The following NOTCH4 variants were observed in gnomAD, a reference collection of about 807,000 sequenced individuals.
NOTCH4 encodes the protein neurogenic locus notch homolog protein 4.
Under a neutral mutation model 189.0 loss-of-function variants are expected in NOTCH4, and 138 were observed. The ratio of observed to expected loss-of-function variants is 0.73; its 90% CI spans 0.64 to 0.84. The LOEUF (loss-of-function observed/expected upper bound fraction) is 0.84, where lower values mean the gene tolerates loss of function less well. NOTCH4 is among the 40% of genes least tolerant of loss of function. The probability of loss-of-function intolerance (pLI) is 0.00; values close to 1 mark genes in which losing one functional copy is unlikely to be tolerated. For synonymous variants in NOTCH4, 942 were observed against 1,032.8 expected (o/e 0.91, Z 1.69); for missense variants, 2,286 against 2,605.4 (o/e 0.88, Z 2.67).
Position 32,195,810 on chromosome 6 carries a change from C to A in NOTCH4, c.5639G>T (p.Arg1880Leu). 1 of 1,602,064 alleles carries A rather than the reference C, an allele frequency of 6.2e-7. No homozygotes were observed. ...PRGGGACLQA[R>L]TWSVDLAARG... ...CGCAGCCAAGTCTACGGACCAAGTC[C>A]GAGCCTGCAGACAAGCTCCGCCCCC... The change falls in exon 30 of 30, where the codon CGG becomes CTG. Residue 1880 changes from arginine to leucine, a missense_variant. Transcript: ENST00000375023. This position sits in a 1 kb window ranked among gnomAD's most constrained non-coding sequence, Gnocchi z 5.4.
At chr6:32,196,805 G>A (rs1292846645) in intron 28 of NOTCH4, 120 bp downstream of exon 28, 5 of 1,325,044 alleles carry the variant, frequency 3.8e-6, no homozygotes, top group Non-Finnish European at 5.3e-6. Context: ...ATCTCAGATT[G>A]ACCGCCGTAA....
intron 1 of NOTCH4, 147 bp from the exon 2 acceptor site, chr6:32,223,233 A>G: frequency 4.4e-6 from 3 of 684,988 alleles, no homozygotes; most frequent in African/African-American, 1.8e-5. Context: ...CACTCTCCAC[A>G]TGGTACCCAG....
Position 32,195,853 on chromosome 6 carries a change from C to T in NOTCH4, c.5596G>A (p.Ala1866Thr), listed in dbSNP as rs1787856903. Residue 1866 changes from alanine to threonine, a missense_variant, in exon 30 of 30, where the codon GCC becomes ACC. Ala to Thr is a moderately conservative substitution (Grantham distance 58, BLOSUM62 0). Around this residue, in one of 2 missense-constraint regions of NOTCH4, gnomAD observed 383 missense variants for 343.5 expected, o/e 1.11. Transcript: ENST00000375023. The surrounding 1 kb of genome is among the most constrained non-coding windows in gnomAD (Gnocchi z 5.4). The part of the protein sequence containing the change: ...GALPRCRTLS[A>T]GAGPRGGGAC... ...CCGCCCCCACGAGGGCCTGCTCCGGCTGACAGCGTCCGGCAGCGCGGCAGA... is the reference window on the plus strand; with the variant it reads ...CCGCCCCCACGAGGGCCTGCTCCGGTTGACAGCGTCCGGCAGCGCGGCAGA... 6.3e-7 allele frequency: 1 copy of T among 1,596,580 alleles called. No individual in the cohort carries two copies. Among genetic ancestry groups the T allele is most frequent in the Non-Finnish European group, 8.5e-7 (1 of 1,178,178 alleles).
chr6:32,223,270 G>A (rs1789910718), intron 1 of NOTCH4, among the ~76,000 whole-genome samples, 184 bp from the exon 2 acceptor site: 1 of 151,972 alleles, frequency 6.6e-6, no homozygotes, highest in Non-Finnish European at 1.5e-5. Flanking sequence ...CTCCGTCCCA[G>A]TTACTAATCC....
intron 8 of NOTCH4, among the ~76,000 whole-genome samples, chr6:32,218,416 T>C (rs431541): frequency 0.21 from 31,549 of 152,164 alleles, 3,630 homozygotes; most frequent in East Asian, 0.38. Flanking sequence ...CTGATCAGCC[T>C]GGAGGACCTC....
In NOTCH4 at chr6:32,195,665, C is replaced by G; in HGVS notation, c.5784G>C (p.Ala1928=). 1 of 1,612,902 alleles carries G rather than the reference C, an allele frequency of 6.2e-7. No individual in the cohort carries two copies. Among genetic ancestry groups the G allele is most frequent in the Non-Finnish European group, 8.5e-7 (1 of 1,179,924 alleles). ...AGMRGPRPNP[A]IMRGRYGVAA... Reference sequence around the variant, plus strand: ...CCACTCCGTATCTTCCTCGCATTATCGCAGGGTTGGGCCGAGGCCCGCGCA... The same window carrying G: ...CCACTCCGTATCTTCCTCGCATTATGGCAGGGTTGGGCCGAGGCCCGCGCA... Residue 1928 remains alanine, a synonymous_variant, in exon 30 of 30, where the codon GCG becomes GCC. Coordinates refer to ENST00000375023, the MANE Select transcript of NOTCH4 (RefSeq NM_004557.4). The surrounding 1 kb of genome is among the most constrained non-coding windows in gnomAD (Gnocchi z 5.4).
Position 32,196,253 on chromosome 6 carries a change from T to G in NOTCH4, c.5298+71A>C, listed in dbSNP as rs533079322. ...CCACTGGCCCCTATCCCTTCAGGCTTTGCGGGTTACCGCACTTTCCATCTC... is the reference window on the plus strand; with the variant it reads ...CCACTGGCCCCTATCCCTTCAGGCTGTGCGGGTTACCGCACTTTCCATCTC... On this transcript the variant is annotated intron_variant, in intron 29 of 29. Coordinates refer to ENST00000375023, the MANE Select transcript of NOTCH4 (RefSeq NM_004557.4). 2.8e-4 allele frequency: 457 copies of G among 1,612,700 alleles called. 1 individual carries two copies. The highest frequency in any genetic ancestry group is 2.0e-3 in the Middle Eastern group (12 of 6,062).
Position 32,201,025 on chromosome 6 carries a change from A to G in NOTCH4, c.4140-19T>C. 1.3e-6 allele frequency: 2 copies of G among 1,554,796 alleles called. No homozygotes were observed. The highest frequency in any genetic ancestry group is 1.7e-6 in the Non-Finnish European group (2 of 1,150,942). On this transcript the variant is annotated intron_variant, in intron 22 of 29. Transcript: ENST00000375023. The surrounding 1 kb of genome is among the most constrained non-coding windows in gnomAD (Gnocchi z 5.5). ...CACAAACCTGTAGAGGAGGCACCTC[A>G]GAGACCTCTGTATTGGTCCCTGGCT... is the stretch of plus-strand genomic sequence containing the variant.
chr6:32,213,339 C>T, intron 14 of NOTCH4, 87 bp from the exon 15 acceptor site: 1 of 797,982 alleles, frequency 1.3e-6, no homozygotes, highest in Non-Finnish European at 2.1e-6. Context: ...GACATACACC[C>T]CCCACCCCCA....
chr6:32,199,175 G>C lies in NOTCH4; in HGVS notation c.4316-30C>G, dbSNP rs1232639540. ...TGGGAGAGACAGAGTCACAAAGAGA[G>C]GCCACTCCTGGTGAGACTGATTACT... On this transcript the variant is annotated intron_variant, in intron 23 of 29. Transcript: ENST00000375023. The surrounding 1 kb of genome is among the most constrained non-coding windows in gnomAD (Gnocchi z 4.9). 7 of 1,503,928 alleles carry C rather than the reference G, an allele frequency of 4.7e-6. No homozygotes were observed. Among genetic ancestry groups the C allele is most frequent in the African/African-American group, 1.4e-5 (1 of 71,508 alleles). The allele number at this position is 1,503,928 out of a possible 1,614,324, so 93.2% of individuals were successfully genotyped here. A position where few individuals can be genotyped will look rare whatever the true frequency, so the allele number is the denominator to read the frequency against.
At chr6:32,197,644 G>T (rs558360218) in intron 26 of NOTCH4, 50 bp from the exon 27 acceptor site, 3 of 1,495,488 alleles carry the variant, frequency 2.0e-6, no homozygotes, top group South Asian at 2.5e-5. Flanking sequence ...CAACAAGGGG[G>T]AAGGGACAAC....
chr6:32,204,683 C>T (rs552981472), intron 18 of NOTCH4, among the ~76,000 whole-genome samples: 1 of 152,294 alleles, frequency 6.6e-6, no homozygotes, highest in South Asian at 2.1e-4. Context: ...AAATACCTAC[C>T]AGGCTCTCTC....
intron 28 of NOTCH4, among the ~76,000 whole-genome samples, chr6:32,196,637 G>T (rs1467648820): frequency 6.6e-6 from 1 of 152,094 alleles, no homozygotes; most frequent in Non-Finnish European, 1.5e-5. Flanking sequence ...TTCTGGGGTC[G>T]GTGAGACCGG....
intron 11 of NOTCH4, 35 bp downstream of exon 11, chr6:32,216,910 T>C (rs993397897): frequency 5.0e-6 from 8 of 1,612,398 alleles, no homozygotes; most frequent in African/African-American, 1.3e-5. Flanking sequence ...GAATAAAATA[T>C]TCTGCCAGTT....
rs754651923 is a variant in NOTCH4, at chr6:32,195,483, GCTGGGGGACCACAGT to G, written c.5951_5965del (p.Asp1984_Pro1988del). On this transcript the variant is annotated inframe_deletion, in exon 30 of 30. Transcript: ENST00000375023. This position sits in a 1 kb window ranked among gnomAD's most constrained non-coding sequence, Gnocchi z 5.4. Reference sequence around the variant, plus strand: ...TTGGTTTATGGGCATTTCTTGGAGGGCTGGGGGACCACAGTCAAGTTGAGGTGATCCCCGCTCCGG... The same window carrying G: ...TTGGTTTATGGGCATTTCTTGGAGGGCAAGTTGAGGTGATCCCCGCTCCGG... 6.2e-7 allele frequency: 1 copy of G among 1,612,340 alleles called. No individual in the cohort carries two copies. The highest frequency in any genetic ancestry group is 1.1e-5 in the South Asian group (1 of 91,046).
At position 32,200,501 on chromosome 6, in the gene NOTCH4, G is replaced by T. The variant is rs990763774; in HGVS notation, c.4315+330C>A. On this transcript the variant is annotated intron_variant, in intron 23 of 29. Coordinates refer to ENST00000375023, the MANE Select transcript of NOTCH4 (RefSeq NM_004557.4). This position sits in a 1 kb window ranked among gnomAD's most constrained non-coding sequence, Gnocchi z 5.0. ...TGGGATTATAGGCATGAGCCACTGC[G>T]CCCAGCCTATTATTCTTTCATGTAC... 6.6e-6 allele frequency among the ~76,000 whole-genome samples: 1 copy of T among 152,168 alleles called. No individual in the cohort carries two copies. The highest frequency in any genetic ancestry group is 2.4e-5 in the African/African-American group (1 of 41,432).
chr6:32,199,496 A>G lies in NOTCH4; in HGVS notation c.4316-351T>C, dbSNP rs1420046688. On this transcript the variant is annotated intron_variant, in intron 23 of 29. Coordinates refer to ENST00000375023, the MANE Select transcript of NOTCH4 (RefSeq NM_004557.4). This position sits in a 1 kb window ranked among gnomAD's most constrained non-coding sequence, Gnocchi z 4.9. ...GAGGCGGGTGGATCATGAGGTCAGG[A>G]GATCGAGACCATCCTGGCTAACATG... Among the ~76,000 whole-genome samples, 1 of 152,080 alleles carries G rather than the reference A, an allele frequency of 6.6e-6. No homozygotes were observed. Among genetic ancestry groups the G allele is most frequent in the African/African-American group, 2.4e-5 (1 of 41,406 alleles).
In NOTCH4 at chr6:32,204,233, C is replaced by A. The variant is rs1440772926; in HGVS notation, c.3022G>T (p.Asp1008Tyr). 2.5e-6 allele frequency: 4 copies of A among 1,612,954 alleles called. No homozygotes were observed. In the South Asian group the frequency reaches 4.4e-5, roughly 18 times the overall value. ...TGGCAGGGCTGGTCCAGACACTCGT[C>A]CACGTCTCCCTCACAGCGTAGCCCC... ...FVGLRCEGDV[D>Y]ECLDQPCHPT... Residue 1008 changes from aspartate to tyrosine, a missense_variant, in exon 19 of 30, where the codon GAC becomes TAC. By Grantham distance (160) the Asp-to-Tyr change is radical. Coordinates refer to ENST00000375023, the MANE Select transcript of NOTCH4 (RefSeq NM_004557.4).
In NOTCH4 at chr6:32,221,028, T is replaced by A. The variant is rs2127488760; in HGVS notation, c.749A>T (p.Gln250Leu). Residue 250 changes from glutamine to leucine, a missense_variant, in exon 4 of 30, where the codon CAG becomes CTG. Physicochemically the swap from Gln to Leu is moderately radical, Grantham distance 113. Coordinates refer to ENST00000375023, the MANE Select transcript of NOTCH4 (RefSeq NM_004557.4). The surrounding 1 kb of genome is among the most constrained non-coding windows in gnomAD (Gnocchi z 4.3). ...PRGCSNGGTC[Q>L]LMPEKDSTFH... ...GGTGGAGTCTTTCTCTGGCATCAGCTGGCAGGTGCCCCCATTCGAACAGCC... is the reference window on the plus strand; with the variant it reads ...GGTGGAGTCTTTCTCTGGCATCAGCAGGCAGGTGCCCCCATTCGAACAGCC... 1 of 1,609,902 alleles carries A rather than the reference T, an allele frequency of 6.2e-7. No homozygotes were observed. The highest frequency in any genetic ancestry group is 8.5e-7 in the Non-Finnish European group (1 of 1,177,280).
Sources: gnomAD v4.1 joint callset for allele counts (sites outside exome capture counted in the v4.1 genomes callset) on GRCh38, gnomAD v4.1.1 for gene constraint, gnomAD v4.1.1 regional missense constraint, Gnocchi (gnomAD v3.1) non-coding constraint, MANE v1.5 for transcripts, NCBI Gene and HGNC (gene_info 2026-07-23, HGNC 2026-07-21) for gene names.